NKAIN3: variants seen among roughly 807,000 people sequenced by gnomAD.
The protein encoded by NKAIN3 is sodium/potassium-transporting ATPase subunit beta-1-interacting protein 3.
A neutral mutation model predicts 30.2 loss-of-function variants in NKAIN3; 25 were observed. That is an observed-to-expected ratio of 0.83 (90% CI 0.60 to 1.16). NKAIN3 has a LOEUF of 1.16. Among genes scored for constraint, NKAIN3 ranks in the 50% most tolerant of loss-of-function variants. The probability of loss-of-function intolerance (pLI) is 0.00; values close to 1 mark genes in which losing one functional copy is unlikely to be tolerated. For missense variants in NKAIN3, 225 were observed against 254.1 expected (o/e 0.89, Z 0.78); for synonymous variants, 91 against 89.6 (o/e 1.02, Z -0.09).
chr8:62,330,529 C>A (rs1815309045), intron 1 of NKAIN3, among the ~76,000 whole-genome samples: 1 of 151,882 alleles, frequency 6.6e-6, no homozygotes, highest in Admixed American at 6.6e-5. Flanking sequence ...CCCACTAAGA[C>A]CCCTGGACAC....
intron 1 of NKAIN3, among the ~76,000 whole-genome samples, chr8:62,509,831 G>A (rs1055984984): frequency 2.6e-5 from 4 of 152,068 alleles, no homozygotes; most frequent in African/African-American, 7.2e-5. Flanking sequence ...CATGAAGACC[G>A]TTTATGGCAA....
intron 1 of NKAIN3, among the ~76,000 whole-genome samples, chr8:62,392,327 A>G (rs1292993994): frequency 6.6e-6 from 1 of 152,052 alleles, no homozygotes; most frequent in Non-Finnish European, 1.5e-5. Context: ...GTAACTATAA[A>G]CTTTAAAAAA....
chr8:62,359,217 A>G (rs1816464614), intron 1 of NKAIN3, among the ~76,000 whole-genome samples: 1 of 152,188 alleles, frequency 6.6e-6, no homozygotes, highest in Admixed American at 6.6e-5. Context: ...TCTACTTTAG[A>G]GCAATTCTTA....
At chr8:62,867,222 G>C (rs1485942477) in intron 4 of NKAIN3, among the ~76,000 whole-genome samples, 2 of 152,000 alleles carry the variant, frequency 1.3e-5, no homozygotes, top group Admixed American at 1.3e-4. Context: ...TACGCATCTG[G>C]GTTAGAATTC....
intron 3 of NKAIN3, among the ~76,000 whole-genome samples, chr8:62,602,961 A>C (rs1239663939): frequency 6.6e-6 from 1 of 152,154 alleles, no homozygotes; most frequent in Non-Finnish European, 1.5e-5. Flanking sequence ...TCACGTAAGC[A>C]TCATTATCAA....
intron 5 of NKAIN3, among the ~76,000 whole-genome samples, chr8:62,921,153 T>G (rs1822264407): frequency 6.6e-6 from 1 of 152,176 alleles, no homozygotes; most frequent in African/African-American, 2.4e-5. Context: ...CTTTGAATTA[T>G]TTTTCCAAAA....
At chr8:62,925,559 G>A (rs1251071037) in intron 5 of NKAIN3, among the ~76,000 whole-genome samples, 3 of 152,204 alleles carry the variant, frequency 2.0e-5, no homozygotes, top group African/African-American at 4.8e-5. Context: ...GCACCCCAGA[G>A]GGGGTTCTAA....
chr8:62,724,164 C>G (rs185254322), intron 3 of NKAIN3, among the ~76,000 whole-genome samples: 61 of 152,172 alleles, frequency 4.0e-4, no homozygotes, highest in African/African-American at 1.4e-3. Context: ...GTATTGTATA[C>G]TGTCTCGCTT....
intron 4 of NKAIN3, among the ~76,000 whole-genome samples, chr8:62,802,872 C>T (rs963092414): frequency 2.0e-5 from 3 of 152,288 alleles, no homozygotes; most frequent in East Asian, 1.9e-4. Flanking sequence ...GGAAACCCAT[C>T]TCACGTGCAG....
At chr8:62,796,189 A>T (rs1366908184) in intron 4 of NKAIN3, among the ~76,000 whole-genome samples, 1 of 151,664 alleles carries the variant, frequency 6.6e-6, no homozygotes, top group African/African-American at 2.4e-5. Context: ...TTCGAAACCA[A>T]ACTGGCCAAC....
intron 1 of NKAIN3, among the ~76,000 whole-genome samples, chr8:62,267,770 A>C (rs560005423): frequency 5.3e-5 from 8 of 152,302 alleles, no homozygotes; most frequent in East Asian, 3.9e-4. Flanking sequence ...AAATTGCTTA[A>C]ACTTGTGCTA....
chr8:62,249,099 C>G lies in NKAIN3; in HGVS notation c.26C>G (p.Ser9Trp), dbSNP rs1385563866. The G allele has an allele frequency of 3.2e-6, 5 of 1,539,104 alleles. No individual in the cohort carries two copies. The highest frequency in any genetic ancestry group is 3.5e-6 in the Non-Finnish European group (4 of 1,144,196). ...ATGGGCTGCTGCACCGGACGCTGCT[C>G]GCTCATCTGCCTCTGCGCGCTGCAG... Reference protein sequence around the residue: MGCCTGRCSLICLCALQLV... With the variant: MGCCTGRCWLICLCALQLV... Residue 9 changes from serine (S) to tryptophan (W), a missense_variant, in exon 1 of 7, where the codon TCG becomes TGG. Ser to Trp is a radical substitution (Grantham distance 177). Coordinates refer to ENST00000623646, the MANE Select transcript of NKAIN3 (RefSeq NM_001304533.3).
intron 4 of NKAIN3, among the ~76,000 whole-genome samples, chr8:62,800,679 C>T (rs921840331): frequency 2.6e-5 from 4 of 152,208 alleles, no homozygotes; most frequent in Non-Finnish European, 4.4e-5. Flanking sequence ...CAGCTCCCAG[C>T]GTGAGTGACG....
intron 4 of NKAIN3, among the ~76,000 whole-genome samples, chr8:62,806,099 A>C (rs535591725): frequency 6.6e-6 from 1 of 152,220 alleles, no homozygotes; most frequent in Non-Finnish European, 1.5e-5. Context: ...CAAAACCACA[A>C]TGAGATATCA....
chr8:62,272,204 C>A (rs1249388002), intron 1 of NKAIN3, among the ~76,000 whole-genome samples: 2 of 152,188 alleles, frequency 1.3e-5, no homozygotes, highest in African/African-American at 4.8e-5. Flanking sequence ...ATTCATACAG[C>A]AGATCATCCC....
intron 3 of NKAIN3, among the ~76,000 whole-genome samples, chr8:62,657,619 G>A (rs992011309): frequency 2.6e-5 from 4 of 152,170 alleles, no homozygotes; most frequent in African/African-American, 9.6e-5. Context: ...GGGTCTTTTT[G>A]TTGTTCATCA....
chr8:62,970,060 TA>T lies in NKAIN3; in HGVS notation c.*4662del, dbSNP rs66951140. On this transcript the variant is annotated 3_prime_UTR_variant, in exon 7 of 7. Transcript: ENST00000623646. ...AACAAACAAATAAACAAAAAATACC[TA>T]AAAAAAAATTTAAATTAGCCAAGCA... 0.18 allele frequency among the ~76,000 whole-genome samples: 27,626 copies of T among 151,176 alleles called. 2,677 individuals carry two copies. The highest frequency in any genetic ancestry group is 0.29 in the East Asian group (1,508 of 5,150).
chr8:62,791,518 T>C (rs962613747), intron 4 of NKAIN3, among the ~76,000 whole-genome samples: 20 of 152,132 alleles, frequency 1.3e-4, no homozygotes, highest in Non-Finnish European at 2.6e-4. Context: ...TTATTAAATA[T>C]TGTTGAATTT....
intron 1 of NKAIN3, among the ~76,000 whole-genome samples, chr8:62,453,301 T>A (rs1805709253): frequency 6.6e-6 from 1 of 152,080 alleles, no homozygotes; most frequent in South Asian, 2.1e-4. Context: ...ACAATGAAAT[T>A]AAGGCAGAAA....
Sources: gnomAD v4.1 joint callset for allele counts (sites outside exome capture counted in the v4.1 genomes callset) on GRCh38, gnomAD v4.1.1 for gene constraint, MANE v1.5 for transcripts, NCBI Gene and HGNC (gene_info 2026-07-23, HGNC 2026-07-21) for gene names.